Variants in SYNPO2 observed in about 807,000 individuals in gnomAD.
The protein encoded by SYNPO2 is synaptopodin-2.
SYNPO2 carries 56 observed loss-of-function variants against 85.0 expected under a neutral mutation model. The ratio of observed to expected loss-of-function variants is 0.66; its 90% CI spans 0.53 to 0.82. The LOEUF (loss-of-function observed/expected upper bound fraction) is 0.82. SYNPO2 is among the 40% of genes least tolerant of loss of function. The pLI, the probability that SYNPO2 is intolerant of heterozygous loss-of-function variation, is 0.00. For missense variants in SYNPO2, 1,575 were observed against 1,534.2 expected, an observed-to-expected ratio of 1.03 and a Z score of -0.44; for synonymous variants, 602 against 591.1, an observed-to-expected ratio of 1.02 and a Z score of -0.27.
chr4:118,872,489 T>C (rs1578509650), intron 1 of SYNPO2, among the ~76,000 whole-genome samples: 2 of 152,220 alleles, frequency 1.3e-5, no homozygotes, highest in Admixed American at 1.3e-4. Context: ...TGTACTTATG[T>C]ATTAAAATGG....
At chr4:118,932,889 T>C (rs4834722) in intron 1 of SYNPO2, among the ~76,000 whole-genome samples, 128,366 of 152,128 alleles carry the variant, frequency 0.84, 54,451 homozygotes, top group East Asian at 0.93. Context: ...TGTAGCTGTA[T>C]GAATCTTGCC....
At chr4:118,937,263 A>T (rs115741854) in intron 1 of SYNPO2, among the ~76,000 whole-genome samples, 1,701 of 152,250 alleles carry the variant, frequency 0.011, 26 homozygotes, top group African/African-American at 0.037. Context: ...CATTTCAGAT[A>T]CACTCATTTC....
Position 119,039,919 on chromosome 4 carries a change from G to T in SYNPO2, c.3252+7892G>T, listed in dbSNP as rs148093334. On this transcript the variant is annotated intron_variant, in intron 4 of 4. Transcript: ENST00000307142. ...CCTTGAGCCCACAAGAAGTACATTG[G>T]TAGTGATTAAGAGTGTGGGCTCTAG... is the stretch of plus-strand genomic sequence containing the variant. 5.9e-3 allele frequency among the ~76,000 whole-genome samples: 896 copies of T among 152,272 alleles called. 4 individuals carry two copies. The highest frequency in any genetic ancestry group is 0.013 in the South Asian group (64 of 4,820).
chr4:118,938,791 C>G (rs1170210946), intron 1 of SYNPO2, among the ~76,000 whole-genome samples: 1 of 152,076 alleles, frequency 6.6e-6, no homozygotes. Context: ...AATAAGTCAC[C>G]ATTACTTTCT....
At position 119,057,646 on chromosome 4, in the gene SYNPO2, G is replaced by A. The variant is rs193107244; in HGVS notation, c.3498G>A (p.Arg1166=). Residue 1166 remains arginine (R), a synonymous_variant, in exon 5 of 5, where the codon AGG becomes AGA. Coordinates refer to ENST00000307142, the MANE Select transcript of SYNPO2 (RefSeq NM_133477.3). ...CAAATGTGGTTTCAGCAGCTCGGAGGAAGGTGCTTCCAGGGCCTCCAGAGG... is the reference window on the plus strand; with the variant it reads ...CAAATGTGGTTTCAGCAGCTCGGAGAAAGGTGCTTCCAGGGCCTCCAGAGG... ...IVANVVSAAR[R]KVLPGPPEDW... 7.2e-5 allele frequency: 117 copies of A among 1,614,166 alleles called. No individual in the cohort carries two copies. Among genetic ancestry groups the A allele is most frequent in the African/African-American group, 2.8e-4 (21 of 75,040 alleles).
At chr4:118,943,024 T>C (rs1734370627) in intron 1 of SYNPO2, among the ~76,000 whole-genome samples, 1 of 151,992 alleles carries the variant, frequency 6.6e-6, no homozygotes, top group Non-Finnish European at 1.5e-5. Context: ...GGAGAATCTC[T>C]TGAACCTGGG....
chr4:119,004,009 T>C (rs1485371610), intron 1 of SYNPO2, among the ~76,000 whole-genome samples: 1 of 152,184 alleles, frequency 6.6e-6, no homozygotes, highest in Non-Finnish European at 1.5e-5. Flanking sequence ...TTTACATGGC[T>C]GTGGGAAACA....
intron 1 of SYNPO2, among the ~76,000 whole-genome samples, chr4:118,934,374 C>T (rs1375881616): frequency 6.6e-6 from 1 of 152,134 alleles, no homozygotes; most frequent in Non-Finnish European, 1.5e-5. Flanking sequence ...GGCAAGATCT[C>T]TCCTGTGGTT....
chr4:119,017,866 A>G (rs1737580219), intron 1 of SYNPO2, among the ~76,000 whole-genome samples: 1 of 152,216 alleles, frequency 6.6e-6, no homozygotes, highest in African/African-American at 2.4e-5. Context: ...TTGATAGGCC[A>G]TATACACAAC....
At chr4:118,953,050 A>C (rs755420850) in intron 1 of SYNPO2, among the ~76,000 whole-genome samples, 4 of 152,180 alleles carry the variant, frequency 2.6e-5, no homozygotes, top group Non-Finnish European at 4.4e-5. Flanking sequence ...ATGTGAAAAG[A>C]AAGAAAACAA....
chr4:118,859,372 A>C (rs1307415646), intron 1 of SYNPO2, among the ~76,000 whole-genome samples: 1 of 152,110 alleles, frequency 6.6e-6, no homozygotes, highest in Non-Finnish European at 1.5e-5. Context: ...CATCAGGGTA[A>C]ATGGGGTATC....
intron 2 of SYNPO2, among the ~76,000 whole-genome samples, chr4:119,025,761 T>C (rs962029971): frequency 6.6e-6 from 1 of 152,202 alleles, no homozygotes; most frequent in Non-Finnish European, 1.5e-5. Flanking sequence ...CTGTGAATAA[T>C]ACCTCTAAAA....
chr4:119,035,275 C>T lies in SYNPO2; in HGVS notation c.3252+3248C>T, dbSNP rs187502248. On this transcript the variant is annotated intron_variant, in intron 4 of 4. Coordinates refer to ENST00000307142, the MANE Select transcript of SYNPO2 (RefSeq NM_133477.3). ...GTTGTGCTATAATGAATCTGCATAA[C>T]GCTTGGGATTCTAGGAGGAAGGAAG... 9.9e-5 allele frequency: 98 copies of T among 985,390 alleles called. 1 individual carries two copies. Among genetic ancestry groups the T allele is most frequent in the African/African-American group, 9.6e-4 (55 of 57,344 alleles). 61.0% of individuals were successfully genotyped at this position (985,390 alleles called of 1,614,324 possible). A position where few individuals can be genotyped will look rare whatever the true frequency, so the allele number is the denominator to read the frequency against.
intron 1 of SYNPO2, among the ~76,000 whole-genome samples, chr4:118,914,764 G>C (rs1293449027): frequency 1.3e-5 from 2 of 152,010 alleles, no homozygotes; most frequent in African/African-American, 4.8e-5. Context: ...GAGAAAACAG[G>C]AAGAGTGAAG....
At chr4:118,906,248 A>G (rs1403300387) in intron 1 of SYNPO2, among the ~76,000 whole-genome samples, 1 of 152,140 alleles carries the variant, frequency 6.6e-6, no homozygotes, top group African/African-American at 2.4e-5. Flanking sequence ...ATAAAGAGTA[A>G]TTAGAAGAGT....
At chr4:118,873,901 G>A (rs1270213207) in intron 1 of SYNPO2, among the ~76,000 whole-genome samples, 3 of 151,918 alleles carry the variant, frequency 2.0e-5, no homozygotes, top group African/African-American at 7.3e-5. Flanking sequence ...TCTGCATATG[G>A]CAATCCAATT....
In SYNPO2 at chr4:118,923,930, T is replaced by C. The variant is rs72909264; in HGVS notation, c.105+34789T>C. ...AACCTGAGTTCATGTGGCAACATGT[T>C]TTTTAAGAAAGTCTTGAATGAATTG... On this transcript the variant is annotated intron_variant, in intron 1 of 4. Coordinates refer to ENST00000307142, the MANE Select transcript of SYNPO2 (RefSeq NM_133477.3). Among the ~76,000 whole-genome samples the C allele has an allele frequency of 3.9e-3, 596 of 152,292 alleles. 4 individuals carry two copies. Among genetic ancestry groups the C allele is most frequent in the African/African-American group, 0.013 (537 of 41,584 alleles).
chr4:119,010,192 C>T (rs971249390), intron 1 of SYNPO2, among the ~76,000 whole-genome samples: 6 of 152,074 alleles, frequency 3.9e-5, no homozygotes. Flanking sequence ...TTCCCTTGCC[C>T]CTCTGCATGA....
intron 4 of SYNPO2, chr4:119,036,416 A>T (rs898639704): frequency 1.0e-6 from 1 of 985,380 alleles, no homozygotes; most frequent in Non-Finnish European, 1.2e-6. Flanking sequence ...GGGGGACACA[A>T]AGATGCCTGT....
Sources: allele counts gnomAD v4.1 joint callset (sites outside exome capture counted in the v4.1 genomes callset), GRCh38; gene constraint gnomAD v4.1.1; transcripts MANE v1.5; gene names NCBI Gene and HGNC (gene_info 2026-07-23, HGNC 2026-07-21).